Variants in ZNF707 observed in about 807,000 individuals in gnomAD.
ZNF707 encodes the protein zinc finger protein 707.
ZNF707 carries 8 observed loss-of-function variants against 13.3 expected under a neutral mutation model. That is an observed-to-expected ratio of 0.60 (90% confidence interval 0.35 to 1.09). ZNF707 has a LOEUF of 1.09. ZNF707 is among the 50% of genes least tolerant of loss of function. ZNF707 has a pLI of 0.02. For missense variants in ZNF707, 530 were observed against 512.6 expected (o/e 1.03, Z -0.33); for synonymous variants, 225 against 205.6 (o/e 1.09, Z -0.81).
chr8:143,694,080 C>T lies in ZNF707; in HGVS notation c.666C>T (p.His222=), dbSNP rs782718457. The change falls in exon 6 of 6, where the codon CAC becomes CAT. Residue 222 remains histidine (H), a synonymous_variant. Transcript: ENST00000358656. This position sits in a 1 kb window ranked among gnomAD's most constrained non-coding sequence, Gnocchi z 4.4. ...TFRWASNLQR[H]QKNHTREKPF... Reference sequence around the variant, plus strand: ...GGTGGGCTTCAAACCTGCAGCGCCACCAGAAGAACCACACGCGCGAGAAGC... The same window carrying T: ...GGTGGGCTTCAAACCTGCAGCGCCATCAGAAGAACCACACGCGCGAGAAGC... The T allele has an allele frequency of 1.1e-5, 18 of 1,608,294 alleles. No homozygotes were observed. In the East Asian group the frequency reaches 3.6e-4, roughly 32 times the overall value.
intron 4 of ZNF707, 35 bp from the exon 5 acceptor site, chr8:143,691,565 C>T (rs374707674): frequency 1.9e-6 from 3 of 1,561,644 alleles, no homozygotes; most frequent in Admixed American, 1.9e-5. Flanking sequence ...GTCCTCAGTA[C>T]AAGTAAAACA....
intron 4 of ZNF707, 51 bp from the exon 5 acceptor site, chr8:143,691,549 C>G: frequency 6.5e-7 from 1 of 1,531,364 alleles, no homozygotes. Context: ...CCTCGACCCT[C>G]ACTTTGTCCT....
rs115728326 is a variant in ZNF707 at position 143,688,278 on chromosome 8, T to A, written c.-150-926T>A. The stretch of plus-strand genomic sequence containing the variant: ...TGCTGTTGAAAGAGTGAAAAAAAAA[T>A]ATCAAGTTGAAAAGCATATTCATGA... On this transcript the variant is annotated intron_variant, in intron 1 of 5. Transcript: ENST00000358656. Among the ~76,000 whole-genome samples the A allele has an allele frequency of 6.3e-3, 952 of 152,108 alleles. 8 individuals are homozygous for A. Among genetic ancestry groups the A allele is most frequent in the African/African-American group, 0.022 (897 of 41,472 alleles).
Position 143,694,089 on chromosome 8 carries a change from CCA to C in ZNF707, c.679_680del (p.Thr227AlafsTer234). The C allele has an allele frequency of 1.2e-6, 2 of 1,607,542 alleles. No homozygotes were observed. Among genetic ancestry groups the C allele is most frequent in the South Asian group, 1.1e-5 (1 of 90,578 alleles). On this transcript the variant is annotated frameshift_variant, in exon 6 of 6. Transcript: ENST00000358656. LOFTEE classifies it low-confidence loss of function (END_TRUNC). This position sits in a 1 kb window ranked among gnomAD's most constrained non-coding sequence, Gnocchi z 4.4. The stretch of plus-strand genomic sequence containing the variant: ...CAAACCTGCAGCGCCACCAGAAGAA[CCA>C]CACGCGCGAGAAGCCCTTCTGCTGC... Reference protein sequence around the residue: ...ASNLQRHQKNHTREKPFCCEA... With the variant: ...ASNLQRHQKNXTREKPFCCEA...
intron 4 of ZNF707, 54 bp downstream of exon 4, chr8:143,691,253 G>A: frequency 6.4e-7 from 1 of 1,558,176 alleles, no homozygotes; most frequent in South Asian, 1.2e-5. Flanking sequence ...GGAGAGCTCT[G>A]CCGCTGCCTC....
intron 2 of ZNF707, among the ~76,000 whole-genome samples, chr8:143,689,552 A>C (rs1033776566): frequency 2.6e-5 from 4 of 151,968 alleles, no homozygotes; most frequent in African/African-American, 9.7e-5. Context: ...AGTGAACATT[A>C]TTGGGGTTTC....
rs1479390497 is a variant in ZNF707, at chr8:143,694,314, G to C, written c.900G>C (p.Lys300Asn). 3 of 1,602,298 alleles carry C rather than the reference G, an allele frequency of 1.9e-6. No homozygotes were observed. Among genetic ancestry groups the C allele is most frequent in the Non-Finnish European group, 2.6e-6 (3 of 1,172,830 alleles). Residue 300 changes from lysine (K) to asparagine (N), a missense_variant, in exon 6 of 6, where the codon AAG becomes AAC. Coordinates refer to ENST00000358656, the MANE Select transcript of ZNF707 (RefSeq NM_001100598.2). This position sits in a 1 kb window ranked among gnomAD's most constrained non-coding sequence, Gnocchi z 4.4. ...ACTGCGGCAAAGCCTTCCGGACCAAGGAGAACCTCAGCCACCACCAGAGGG... is the reference window on the plus strand; with the variant it reads ...ACTGCGGCAAAGCCTTCCGGACCAACGAGAACCTCAGCCACCACCAGAGGG... ...CADCGKAFRT[K>N]ENLSHHQRVH...
At chr8:143,692,057 T>G in intron 5 of ZNF707, 1 of 1,379,644 alleles carries the variant, frequency 7.2e-7, no homozygotes. Context: ...CTCCCTGTGA[T>G]GGCCATGTGG....
Position 143,694,941 on chromosome 8 carries a change from C to G in ZNF707, c.*411C>G, listed in dbSNP as rs1344948291. The G allele has an allele frequency of 1.6e-5, 3 of 189,566 alleles. No individual in the cohort carries two copies. The highest frequency in any genetic ancestry group is 3.2e-5 in the Non-Finnish European group (3 of 92,870). The allele number at this position is 189,566 out of a possible 1,614,324, so 11.7% of individuals were successfully genotyped here. A position where few individuals can be genotyped will look rare whatever the true frequency, so the allele number is the denominator to read the frequency against. The stretch of plus-strand genomic sequence containing the variant: ...GCCTTTCCTTCCTGGCTCTGCACCC[C>G]ATGCTGGCTGCCCGGTCTGGCTTCC... On this transcript the variant is annotated 3_prime_UTR_variant, in exon 6 of 6. Coordinates refer to ENST00000358656, the MANE Select transcript of ZNF707 (RefSeq NM_001100598.2). This position sits in a 1 kb window ranked among gnomAD's most constrained non-coding sequence, Gnocchi z 4.4.
chr8:143,692,184 A>G (rs925249076), intron 5 of ZNF707: 15 of 1,293,592 alleles, frequency 1.2e-5, no homozygotes, highest in Middle Eastern at 2.1e-4. Context: ...TCCCTCCATT[A>G]GGTGAGGGTT....
In ZNF707 at chr8:143,694,095, G is replaced by A. The variant is rs782470596; in HGVS notation, c.681G>A (p.Thr227=). The part of the protein sequence containing the change: ...SNLQRHQKNH[T]REKPFCCEAC... ...TGCAGCGCCACCAGAAGAACCACAC[G>A]CGCGAGAAGCCCTTCTGCTGCGAGG... Residue 227 remains threonine, a synonymous_variant, in exon 6 of 6, where the codon ACG becomes ACA. Coordinates refer to ENST00000358656, the MANE Select transcript of ZNF707 (RefSeq NM_001100598.2). This position sits in a 1 kb window ranked among gnomAD's most constrained non-coding sequence, Gnocchi z 4.4. 3.7e-6 allele frequency: 6 copies of A among 1,606,998 alleles called. No individual in the cohort carries two copies. The Admixed American group carries it at 5.0e-5, about 14-fold the overall frequency.
chr8:143,686,233 G>C (rs1226645294), intron 1 of ZNF707, among the ~76,000 whole-genome samples: 1 of 152,104 alleles, frequency 6.6e-6, no homozygotes, highest in Non-Finnish European at 1.5e-5. Flanking sequence ...AAGTAGCCTG[G>C]CTAATTTTTT....
chr8:143,689,727 T>G (rs1554612999), intron 2 of ZNF707, among the ~76,000 whole-genome samples: 1 of 152,080 alleles, frequency 6.6e-6, no homozygotes, highest in Non-Finnish European at 1.5e-5. Flanking sequence ...TCCAGTCATG[T>G]GTTTGCAGCT....
intron 3 of ZNF707, 159 bp from the exon 4 acceptor site, chr8:143,690,914 C>T: frequency 1.0e-6 from 1 of 958,980 alleles, no homozygotes; most frequent in South Asian, 1.7e-5. Context: ...CATCTCCAGA[C>T]ACAGCCACTC....
At chr8:143,691,887 C>T in intron 5 of ZNF707, 174 bp downstream of exon 5, 1 of 986,384 alleles carries the variant, frequency 1.0e-6, no homozygotes, top group Admixed American at 2.1e-5. Flanking sequence ...CACGCTCCTG[C>T]CCTGATGGAC....
At position 143,691,251 on chromosome 8, in the gene ZNF707, C is replaced by G. The variant is rs782548517; in HGVS notation, c.142+52C>G. 7 of 1,557,944 alleles carry G rather than the reference C, an allele frequency of 4.5e-6. No individual in the cohort carries two copies. The Admixed American group carries it at 9.0e-5, about 20-fold the overall frequency. On this transcript the variant is annotated intron_variant, in intron 4 of 5. Transcript: ENST00000358656. ...GCACAGGGTGAGTGCTGGGAGAGCT[C>G]TGCCGCTGCCTCTGGGCCCAGCTCG...
rs782477795 is a variant in ZNF707 at position 143,693,742 on chromosome 8, C to A, written c.328C>A (p.Arg110=). The A allele has an allele frequency of 3.1e-6, 5 of 1,612,726 alleles. No individual in the cohort carries two copies. The East Asian group carries it at 8.9e-5, about 29-fold the overall frequency. ...PAWAHKKTHV[R]RERAREGSSF... ...TTGGGCTCACAAGAAAACCCACGTG[C>A]GGCGAGAAAGAGCCAGGGAAGGAAG... The change falls in exon 6 of 6, where the codon CGG becomes AGG. Residue 110 remains arginine (R), a synonymous_variant. Coordinates refer to ENST00000358656, the MANE Select transcript of ZNF707 (RefSeq NM_001100598.2). This position sits in a 1 kb window ranked among gnomAD's most constrained non-coding sequence, Gnocchi z 4.1.
rs1554614761 is a variant in ZNF707 at position 143,694,417 on chromosome 8, C to A, written c.1003C>A (p.Arg335=). 1 of 1,612,366 alleles carries A rather than the reference C, an allele frequency of 6.2e-7. No homozygotes were observed. The highest frequency in any genetic ancestry group is 1.1e-5 in the South Asian group (1 of 90,994). The change falls in exon 6 of 6, where the codon CGG becomes AGG. Residue 335 remains arginine (R), a synonymous_variant. Transcript: ENST00000358656. This position sits in a 1 kb window ranked among gnomAD's most constrained non-coding sequence, Gnocchi z 4.4. ...GTGGCCCAAGGGCTTCAGCATCCACCGGAGGCTGCACCTGACGAAGAGGTT... is the reference window on the plus strand; with the variant it reads ...GTGGCCCAAGGGCTTCAGCATCCACAGGAGGCTGCACCTGACGAAGAGGTT... ...FRWPKGFSIH[R]RLHLTKRFYE... is the part of the protein sequence containing the mutation.
chr8:143,692,423 C>T (rs1257356622), intron 5 of ZNF707: 9 of 1,053,384 alleles, frequency 8.5e-6, no homozygotes, highest in Admixed American at 4.7e-5. Context: ...GTGGAGCCCC[C>T]GGCTGGGGAG....
Sources: gnomAD v4.1 joint callset for allele counts (sites outside exome capture counted in the v4.1 genomes callset) on GRCh38, gnomAD v4.1.1 for gene constraint, Gnocchi (gnomAD v3.1) non-coding constraint, MANE v1.5 for transcripts, NCBI Gene and HGNC (gene_info 2026-07-23, HGNC 2026-07-21) for gene names.